Variants in CSMD3 observed in about 807,000 individuals in gnomAD.
CSMD3 encodes the protein CUB and Sushi multiple domains 3.
CSMD3 carries 177 observed loss-of-function variants against 435.2 expected under a neutral mutation model. The ratio of observed to expected loss-of-function variants is 0.41; its 90% confidence interval spans 0.36 to 0.46. CSMD3 has a LOEUF of 0.46. CSMD3 is among the 20% of genes least tolerant of loss of function. The pLI, the probability that CSMD3 is intolerant of heterozygous loss-of-function variation, is 0.34. For missense variants in CSMD3, 4,265 were observed against 4,504.6 expected, an observed-to-expected ratio of 0.95 and a Z score of 1.52; for synonymous variants, 1,656 against 1,520.5, an observed-to-expected ratio of 1.09 and a Z score of -2.07.
intron 30 of CSMD3, among the ~76,000 whole-genome samples, chr8:112,502,084 G>T (rs1822024032): frequency 6.6e-6 from 1 of 152,312 alleles, no homozygotes; most frequent in East Asian, 1.9e-4. Flanking sequence ...TCTGAAAAAT[G>T]ACCTTGAATG....
chr8:113,277,038 T>G (rs16884484), intron 3 of CSMD3, among the ~76,000 whole-genome samples: 2,030 of 152,108 alleles, frequency 0.013, 52 homozygotes, highest in African/African-American at 0.047. Flanking sequence ...CACAAGTACA[T>G]TTTCAATATA....
At chr8:112,840,489 C>A (rs1248908847) in intron 11 of CSMD3, among the ~76,000 whole-genome samples, 1 of 151,448 alleles carries the variant, frequency 6.6e-6, no homozygotes, top group African/African-American at 2.4e-5. Flanking sequence ...GTTTGAGTGA[C>A]CATAGTAATA....
At chr8:112,941,355 G>A (rs911708976) in intron 9 of CSMD3, among the ~76,000 whole-genome samples, 5 of 151,896 alleles carry the variant, frequency 3.3e-5, no homozygotes, top group South Asian at 2.1e-4. Context: ...ATAAGTAGGC[G>A]ACAGGAAAGC....
chr8:112,534,798 C>A (rs966493140), intron 27 of CSMD3, among the ~76,000 whole-genome samples: 1 of 151,976 alleles, frequency 6.6e-6, no homozygotes, highest in African/African-American at 2.4e-5. Flanking sequence ...ACTGGCAAAC[C>A]GAATCCAGCA....
At chr8:113,078,690 C>A (rs1462587214) in intron 5 of CSMD3, among the ~76,000 whole-genome samples, 1 of 152,050 alleles carries the variant, frequency 6.6e-6, no homozygotes, top group Admixed American at 6.6e-5. Context: ...GTATAAAGTC[C>A]ATTTATTTTC....
chr8:112,929,193 T>C (rs2083015489), intron 9 of CSMD3, among the ~76,000 whole-genome samples: 1 of 133,778 alleles, frequency 7.5e-6, no homozygotes, highest in African/African-American at 2.8e-5. Context: ...ATTAGCCCTT[T>C]GTCAGATGAG....
intron 47 of CSMD3, among the ~76,000 whole-genome samples, chr8:112,314,951 C>T (rs1254318488): frequency 1.3e-5 from 2 of 151,908 alleles, no homozygotes; most frequent in African/African-American, 4.8e-5. Flanking sequence ...CCCACCTCTG[C>T]CTGTCTTATC....
chr8:113,066,465 A>C (rs2088865356), intron 5 of CSMD3, among the ~76,000 whole-genome samples: 1 of 152,148 alleles, frequency 6.6e-6, no homozygotes, highest in African/African-American at 2.4e-5. Flanking sequence ...AATAATTCTA[A>C]AGATTTGTTT....
chr8:112,604,984 A>G lies in CSMD3; in HGVS notation c.3716-17749T>C, dbSNP rs921073539. Among the ~76,000 whole-genome samples, 4 of 152,182 alleles carry G rather than the reference A, an allele frequency of 2.6e-5. No homozygotes were observed. The South Asian group carries it at 8.3e-4, about 31-fold the overall frequency. Reference sequence around the variant, plus strand: ...ATATGGGCAAAGGACATGAACAGACACTTCTCAAAAGAAGACATAAATGTG... The same window carrying G: ...ATATGGGCAAAGGACATGAACAGACGCTTCTCAAAAGAAGACATAAATGTG... On this transcript the variant is annotated intron_variant, in intron 22 of 70. Transcript: ENST00000297405.
chr8:112,455,455 G>A (rs554652994), intron 32 of CSMD3, among the ~76,000 whole-genome samples: 1 of 151,906 alleles, frequency 6.6e-6, no homozygotes, highest in Non-Finnish European at 1.5e-5. Context: ...CTACCTATTG[G>A]GTATTATGTT....
intron 27 of CSMD3, among the ~76,000 whole-genome samples, chr8:112,535,480 CT>C (rs1825981450): frequency 6.6e-6 from 1 of 151,490 alleles, no homozygotes; most frequent in Non-Finnish European, 1.5e-5. Context: ...TGAAGGACCT[CT>C]TCAAGGAGAA....
chr8:112,769,400 A>G (rs1325204954), intron 13 of CSMD3, among the ~76,000 whole-genome samples: 2 of 151,996 alleles, frequency 1.3e-5, no homozygotes, highest in South Asian at 2.1e-4. Flanking sequence ...AGACACTGTT[A>G]AGGCCATGAG....
chr8:112,990,402 T>C (rs2085411765), intron 6 of CSMD3, among the ~76,000 whole-genome samples: 1 of 151,946 alleles, frequency 6.6e-6, no homozygotes, highest in Non-Finnish European at 1.5e-5. Flanking sequence ...CTCTAATACA[T>C]GACTTGTCTT....
At chr8:112,934,833 T>C (rs2083229086) in intron 9 of CSMD3, among the ~76,000 whole-genome samples, 3 of 152,162 alleles carry the variant, frequency 2.0e-5, no homozygotes, top group Admixed American at 2.0e-4. Context: ...TCTAGATGTA[T>C]AGTGTGCAAA....
chr8:113,178,268 T>C (rs530288007), intron 3 of CSMD3, among the ~76,000 whole-genome samples: 14 of 152,072 alleles, frequency 9.2e-5, no homozygotes, highest in African/African-American at 3.1e-4. Context: ...CTCAGAAAGA[T>C]TAAGTAACTT....
In CSMD3 at chr8:112,247,088, A is replaced by G; in HGVS notation, c.10154T>C (p.Leu3385Pro). The G allele has an allele frequency of 6.2e-7, 1 of 1,613,850 alleles. No individual in the cohort carries two copies. The highest frequency in any genetic ancestry group is 8.5e-7 in the Non-Finnish European group (1 of 1,179,882). ...GCAGGTGCGTGTTGTAGACCCTTGG[A>G]GAAGGTGTCCTTTTTTGCAATGGAA... ...VQFHCKKGHL[L>P]QGSTTRTCLP... The change falls in exon 64 of 71, where the codon CTC becomes CCC. Residue 3385 changes from leucine to proline, a missense_variant. Physicochemically the swap from Leu to Pro is moderately conservative, Grantham distance 98 (BLOSUM62 -3). Transcript: ENST00000297405.
At chr8:113,152,919 C>T (rs574128392) in intron 4 of CSMD3, among the ~76,000 whole-genome samples, 2 of 150,602 alleles carry the variant, frequency 1.3e-5, no homozygotes, top group African/African-American at 2.4e-5. Flanking sequence ...TGCAGTGAGC[C>T]GTGATTGCAC....
At chr8:112,805,427 A>G (rs970513854) in intron 12 of CSMD3, among the ~76,000 whole-genome samples, 1 of 152,008 alleles carries the variant, frequency 6.6e-6, no homozygotes, top group African/African-American at 2.4e-5. Flanking sequence ...ATGGTCAAAC[A>G]ATACCCTTTG....
chr8:112,903,950 A>G (rs1286538395), intron 10 of CSMD3, among the ~76,000 whole-genome samples: 1 of 151,374 alleles, frequency 6.6e-6, no homozygotes, highest in Non-Finnish European at 1.5e-5. Flanking sequence ...ATTAAAACTG[A>G]ATTGGGAAAC....
Sources: gnomAD v4.1 joint callset for allele counts (sites outside exome capture counted in the v4.1 genomes callset) on GRCh38, gnomAD v4.1.1 for gene constraint, MANE v1.5 for transcripts, NCBI Gene and HGNC (gene_info 2026-07-23, HGNC 2026-07-21) for gene names.